Variants in BCL11B observed in about 807,000 individuals in gnomAD.
The protein encoded by BCL11B is BCL11 transcription factor B, also known as B-cell lymphoma/leukemia 11B.
A neutral mutation model predicts 49.9 loss-of-function variants in BCL11B; 8 were observed. The ratio of observed to expected loss-of-function variants is 0.16; its 90% CI spans 0.09 to 0.29. The LOEUF (loss-of-function observed/expected upper bound fraction) is 0.29, where lower values mean the gene tolerates loss of function less well. Among genes scored for constraint, BCL11B ranks in the 10% least tolerant of loss-of-function variants. The probability of loss-of-function intolerance (pLI) is 1.00; values close to 1 mark genes in which losing one functional copy is unlikely to be tolerated. For synonymous variants in BCL11B, 739 were observed against 637.4 expected (o/e 1.16, Z -2.40); for missense variants, 1,006 against 1,351.0 (o/e 0.74, Z 4.00).
rs1204538637 is a variant in BCL11B at position 99,192,969 on chromosome 14, ATGAG to A, written c.641-16778_641-16775del. On this transcript the variant is annotated intron_variant, in intron 3 of 3. Transcript: ENST00000357195. This position sits in a 1 kb window ranked among gnomAD's most constrained non-coding sequence, Gnocchi z 4.0. The stretch of plus-strand genomic sequence containing the variant: ...AATAAGTGAATAAGTGAATGAATGA[ATGAG>A]TGAATAAGTGAGTGCAAGACAGCAG... 1.3e-5 allele frequency among the ~76,000 whole-genome samples: 2 copies of A among 152,222 alleles called. No individual in the cohort carries two copies. The highest frequency in any genetic ancestry group is 4.8e-5 in the African/African-American group (2 of 41,456).
chr14:99,199,694 G>A (rs1210619650), intron 3 of BCL11B, among the ~76,000 whole-genome samples: 11 of 63,686 alleles, frequency 1.7e-4, no homozygotes, highest in Non-Finnish European at 2.0e-4. Context: ...GCGCGCGCGC[G>A]CGCACGTGCA....
chr14:99,250,688 T>C (rs556159884), intron 2 of BCL11B, among the ~76,000 whole-genome samples: 1 of 152,200 alleles, frequency 6.6e-6, no homozygotes, highest in Non-Finnish European at 1.5e-5. Flanking sequence ...TACTGTCAAA[T>C]AGACAAACTA....
rs763457517 is a variant in BCL11B at position 99,175,234 on chromosome 14, G to GTCC, written c.1599_1601dup (p.Glu533dup). 3 of 1,546,846 alleles carry GTCC rather than the reference G, an allele frequency of 1.9e-6. No homozygotes were observed. Among genetic ancestry groups the GTCC allele is most frequent in the Non-Finnish European group, 2.6e-6 (3 of 1,149,260 alleles). ...CCTCCTCCTCCTCCTCCTCCTCCTC[G>GTCC]TCCTCCTCCTCCGGCTCGTGGCCCA... On this transcript the variant is annotated inframe_insertion, in exon 4 of 4. Transcript: ENST00000357195.
chr14:99,233,781 CA>C (rs1272918169), intron 2 of BCL11B, among the ~76,000 whole-genome samples: 2 of 152,176 alleles, frequency 1.3e-5, no homozygotes, highest in African/African-American at 2.4e-5. Flanking sequence ...GCATAGGGGT[CA>C]GGGGGTAGGC....
intron 3 of BCL11B, among the ~76,000 whole-genome samples, chr14:99,216,383 G>C (rs952144586): frequency 2.0e-5 from 3 of 152,206 alleles, no homozygotes; most frequent in Admixed American, 2.0e-4. Flanking sequence ...TGCACACACA[G>C]GCTGGGCTAC....
In BCL11B at chr14:99,215,446, G is replaced by C. The variant is rs78260894; in HGVS notation, c.640+15899C>G. Reference sequence around the variant, plus strand: ...GCAACAGTGCCTATGTGTGCCGGCAGAGAATCGGCTGGCCGTGAAAAGAAT... The same window carrying C: ...GCAACAGTGCCTATGTGTGCCGGCACAGAATCGGCTGGCCGTGAAAAGAAT... On this transcript the variant is annotated intron_variant, in intron 3 of 3. Transcript: ENST00000357195. 4.5e-3 allele frequency among the ~76,000 whole-genome samples: 683 copies of C among 152,346 alleles called. 38 individuals are homozygous for C. The East Asian group carries it at 0.11, about 25-fold the overall frequency.
chr14:99,234,457 G>A (rs894770451), intron 2 of BCL11B, among the ~76,000 whole-genome samples: 2 of 152,166 alleles, frequency 1.3e-5, no homozygotes, highest in African/African-American at 4.8e-5. Context: ...TGAGATGTGG[G>A]ACAGGGTATG....
At chr14:99,265,937 G>T (rs1889468216) in intron 1 of BCL11B, among the ~76,000 whole-genome samples, 1 of 152,220 alleles carries the variant, frequency 6.6e-6, no homozygotes, top group African/African-American at 2.4e-5. Context: ...TTCAACTTGG[G>T]AAAGAAGACA....
At chr14:99,220,429 C>T (rs1195318392) in intron 3 of BCL11B, among the ~76,000 whole-genome samples, 1 of 152,162 alleles carries the variant, frequency 6.6e-6, no homozygotes, top group South Asian at 2.1e-4. Context: ...GATTGTAACA[C>T]GTGCTACAAC....
At chr14:99,206,644 C>G (rs1319284581) in intron 3 of BCL11B, among the ~76,000 whole-genome samples, 1 of 152,198 alleles carries the variant, frequency 6.6e-6, no homozygotes, top group African/African-American at 2.4e-5. Flanking sequence ...CTTATTTTAC[C>G]TAATAATGGC....
intron 3 of BCL11B, among the ~76,000 whole-genome samples, chr14:99,222,836 C>CCTTTCTTTCTTTCTTTCTTTCTTTCTTT (rs34988198): frequency 1.5e-4 from 23 of 151,416 alleles, no homozygotes; most frequent in African/African-American, 5.6e-4. Flanking sequence ...TCTTTATTTC[C>CCTTTCTTTCTTTCTTTCTTTCTTTCTTT]CTTTCTTTCT....
intron 2 of BCL11B, among the ~76,000 whole-genome samples, chr14:99,240,994 C>G (rs1197169468): frequency 1.3e-5 from 2 of 151,840 alleles, no homozygotes; most frequent in Admixed American, 6.6e-5. Flanking sequence ...GAAATCATAG[C>G]ACGCTGACTT....
chr14:99,189,942 G>T (rs74080346), intron 3 of BCL11B, among the ~76,000 whole-genome samples: 1 of 152,114 alleles, frequency 6.6e-6, no homozygotes, highest in Non-Finnish European at 1.5e-5. Context: ...AGTGGCAGGA[G>T]CACCTCAAGG....
chr14:99,207,584 G>A (rs978107664), intron 3 of BCL11B, among the ~76,000 whole-genome samples: 4 of 152,246 alleles, frequency 2.6e-5, no homozygotes, highest in Admixed American at 2.6e-4. Context: ...GCCGGAGCTA[G>A]AGGCATCAGG....
chr14:99,237,116 C>T (rs566705403), intron 2 of BCL11B, among the ~76,000 whole-genome samples: 8 of 151,878 alleles, frequency 5.3e-5, no homozygotes, highest in Non-Finnish European at 1.2e-4. Flanking sequence ...TAGAGAAGAA[C>T]AATTCTAGGG....
intron 3 of BCL11B, among the ~76,000 whole-genome samples, chr14:99,223,820 C>A (rs1349446687): frequency 6.6e-6 from 1 of 152,248 alleles, no homozygotes; most frequent in Middle Eastern, 3.2e-3. Flanking sequence ...ACCACAAGGA[C>A]AAGCTGTCCT....
At chr14:99,197,513 G>A (rs1887211605) in intron 3 of BCL11B, among the ~76,000 whole-genome samples, 1 of 151,916 alleles carries the variant, frequency 6.6e-6, no homozygotes, top group Non-Finnish European at 1.5e-5. Flanking sequence ...TTTTCACAAG[G>A]CAAGCCTCTC....
intron 3 of BCL11B, among the ~76,000 whole-genome samples, chr14:99,176,465 C>T (rs529993608): frequency 6.6e-6 from 1 of 152,324 alleles, no homozygotes; most frequent in African/African-American, 2.4e-5. Flanking sequence ...GCCTTGCTCC[C>T]CCAAAGAAAA....
intron 3 of BCL11B, among the ~76,000 whole-genome samples, chr14:99,180,886 T>G (rs1886680212): frequency 6.6e-6 from 1 of 152,164 alleles, no homozygotes; most frequent in Admixed American, 6.5e-5. Flanking sequence ...CGTTTTTTAT[T>G]ATGATGCTTG....
Sources: allele counts gnomAD v4.1 joint callset (sites outside exome capture counted in the v4.1 genomes callset), GRCh38; gene constraint gnomAD v4.1.1; non-coding constraint Gnocchi (gnomAD v3.1); transcripts MANE v1.5; gene names NCBI Gene and HGNC (gene_info 2026-07-23, HGNC 2026-07-21).